PPP2R1A: variants seen among roughly 807,000 people sequenced by gnomAD.
PPP2R1A encodes the protein serine/threonine-protein phosphatase 2A 65 kDa regulatory subunit A alpha isoform.
In PPP2R1A, 15 loss-of-function variants were observed where a neutral mutation model predicts 67.1. That is an observed-to-expected ratio of 0.22 (90% CI 0.15 to 0.34). The LOEUF is 0.34. PPP2R1A is among the 10% of genes least tolerant of loss of function. The probability of loss-of-function intolerance (pLI) is 1.00; values close to 1 mark genes in which losing one functional copy is unlikely to be tolerated. For synonymous variants in PPP2R1A, 337 were observed against 325.0 expected (o/e 1.04, Z -0.40); for missense variants, 369 against 775.0 (o/e 0.48, Z 6.22).
At position 52,219,928 on chromosome 19, in the gene PPP2R1A, T is replaced by G; in HGVS notation, c.1302+64T>G. 1 of 1,529,780 alleles carries G rather than the reference T, an allele frequency of 6.5e-7. No individual in the cohort carries two copies. 94.8% of individuals were successfully genotyped at this position (1,529,780 alleles called of 1,614,324 possible). A position where few individuals can be genotyped will look rare whatever the true frequency, so the allele number is the denominator to read the frequency against. On this transcript the variant is annotated intron_variant, in intron 10 of 14. Coordinates refer to ENST00000322088, the MANE Select transcript of PPP2R1A (RefSeq NM_014225.6). The surrounding 1 kb of genome is among the most constrained non-coding windows in gnomAD (Gnocchi z 4.0). ...AGGGGAGGTGCAGTATGTCCAGGGC[T>G]GTGATGGGGAAACGGGGCTTTGAAG...
intron 12 of PPP2R1A, among the ~76,000 whole-genome samples, chr19:52,221,620 C>T (rs530441915): frequency 7.2e-5 from 11 of 152,152 alleles, no homozygotes; most frequent in African/African-American, 1.4e-4. Context: ...GCCTGGTGAG[C>T]GTGAAGATTA....
At chr19:52,196,572 A>G (rs1039612553) in intron 1 of PPP2R1A, among the ~76,000 whole-genome samples, 4 of 152,194 alleles carry the variant, frequency 2.6e-5, no homozygotes. Context: ...ACTTGCTTGT[A>G]TATCTCTTTG....
At chr19:52,220,387 A>G in intron 11 of PPP2R1A, 138 bp downstream of exon 11, 5 of 919,096 alleles carry the variant, frequency 5.4e-6, no homozygotes, top group Non-Finnish European at 6.9e-6. Context: ...ACCAGCTCGC[A>G]TGCTTGTTAG....
Position 52,192,367 on chromosome 19 carries a change from A to G in PPP2R1A, c.78+2193A>G, listed in dbSNP as rs2089462366. 2.0e-5 allele frequency among the ~76,000 whole-genome samples: 3 copies of G among 150,384 alleles called. No homozygotes were observed. The Admixed American group carries it at 2.0e-4, about 10-fold the overall frequency. On this transcript the variant is annotated intron_variant, in intron 1 of 14. Transcript: ENST00000322088. ...CTGTTTCCCAGGCTGGAGTGCACTGACGCGATCTTTGCTCACTGCAACCTC... is the reference window on the plus strand; with the variant it reads ...CTGTTTCCCAGGCTGGAGTGCACTGGCGCGATCTTTGCTCACTGCAACCTC...
chr19:52,190,278 G>A (rs756012893), intron 1 of PPP2R1A, 104 bp downstream of exon 1: 25 of 1,322,006 alleles, frequency 1.9e-5, no homozygotes, highest in South Asian at 1.3e-4. Flanking sequence ...GGCGGAAGGG[G>A]GCGACGGCCA....
intron 13 of PPP2R1A, among the ~76,000 whole-genome samples, chr19:52,223,487 C>T (rs1979068201): frequency 6.6e-6 from 1 of 152,062 alleles, no homozygotes; most frequent in Non-Finnish European, 1.5e-5. Flanking sequence ...ATATATGTTT[C>T]TGAGAAAGGA....
Position 52,210,484 on chromosome 19 carries a change from CTTT to C in PPP2R1A, c.271-758_271-756del, listed in dbSNP as rs112983236. ...CCAGGCTGTACCTCAGTTTTCTCTTCTTTTTTTTTTTTTTTTTTTTCTTTTTGA... is the reference window on the plus strand; with the variant it reads ...CCAGGCTGTACCTCAGTTTTCTCTTCTTTTTTTTTTTTTTTTTCTTTTTGA... On this transcript the variant is annotated intron_variant, in intron 3 of 14. Transcript: ENST00000322088. 6.9e-3 allele frequency among the ~76,000 whole-genome samples: 870 copies of C among 126,960 alleles called. 7 individuals are homozygous for C. The highest frequency in any genetic ancestry group is 0.024 in the African/African-American group (822 of 33,958). 83.3% of individuals were successfully genotyped at this position (126,960 alleles called of 152,430 possible). A position where few individuals can be genotyped will look rare whatever the true frequency, so the allele number is the denominator to read the frequency against.
chr19:52,216,558 C>T lies in PPP2R1A; in HGVS notation c.1023C>T (p.Val341=), dbSNP rs1399335432. Residue 341 remains valine, a synonymous_variant, in exon 9 of 15, where the codon GTC becomes GTT. Transcript: ENST00000322088. The surrounding 1 kb of genome is among the most constrained non-coding windows in gnomAD (Gnocchi z 4.3). The part of the protein sequence containing the change: ...KELVSDANQH[V]KSALASVIMG... Reference sequence around the variant, plus strand: ...TGGTGTCCGATGCCAACCAACATGTCAAGTCTGCCCTGGCCTCAGTCATCA... The same window carrying T: ...TGGTGTCCGATGCCAACCAACATGTTAAGTCTGCCCTGGCCTCAGTCATCA... 1 of 1,614,150 alleles carries T rather than the reference C, an allele frequency of 6.2e-7. No individual in the cohort carries two copies. Among genetic ancestry groups the T allele is most frequent in the Admixed American group, 1.7e-5 (1 of 60,022 alleles).
chr19:52,190,159 C>G lies in PPP2R1A; in HGVS notation c.63C>G (p.Arg21=). 6.4e-7 allele frequency: 1 copy of G among 1,550,964 alleles called. No individual in the cohort carries two copies. The highest frequency in any genetic ancestry group is 8.7e-7 in the Non-Finnish European group (1 of 1,146,746). ...TCGCGGTGCTCATAGACGAACTCCG[C>G]AATGAGGACGTTCAGGTCCGGAGGC... is the stretch of plus-strand genomic sequence containing the variant. The part of the protein sequence containing the change: ...YPIAVLIDEL[R]NEDVQLRLNS... The change falls in exon 1 of 15, where the codon CGC becomes CGG. Residue 21 remains arginine (R), a synonymous_variant. Transcript: ENST00000322088.
At chr19:52,222,002 GC>G (rs757294686) in intron 12 of PPP2R1A, 96 bp from the exon 13 acceptor site, 28 of 1,293,520 alleles carry the variant, frequency 2.2e-5, no homozygotes, top group Non-Finnish European at 2.3e-5. Flanking sequence ...CCTCTGTGGG[GC>G]CTGATGATCA....
At chr19:52,222,341 C>G in intron 13 of PPP2R1A, 100 bp downstream of exon 13, 1 of 1,459,298 alleles carries the variant, frequency 6.9e-7, no homozygotes, top group Non-Finnish European at 9.1e-7. Context: ...GGCCTGGCAG[C>G]GCTCCTTGCT....
rs2089681840 is a variant in PPP2R1A, at chr19:52,212,692, C to A, written c.510C>A (p.Phe170Leu). 6.2e-7 allele frequency: 1 copy of A among 1,613,354 alleles called. No homozygotes were observed. Among genetic ancestry groups the A allele is most frequent in the Non-Finnish European group, 8.5e-7 (1 of 1,180,040 alleles). ...SAVKAELRQY[F>L]RNLCSDDTPM... ...CCCCGTCCCCGACTCCCAGGTACTT[C>A]CGGAACCTGTGCTCAGATGACACCC... The change falls in exon 5 of 15, where the codon TTC becomes TTA. Residue 170 changes from phenylalanine to leucine, a missense_variant. Phe to Leu is a conservative substitution (Grantham distance 22). Transcript: ENST00000322088. This position sits in a 1 kb window ranked among gnomAD's most constrained non-coding sequence, Gnocchi z 4.1.
chr19:52,193,674 A>G (rs1198770945), intron 1 of PPP2R1A, among the ~76,000 whole-genome samples: 1 of 152,056 alleles, frequency 6.6e-6, no homozygotes, highest in African/African-American at 2.4e-5. Context: ...GGTTCAAGTG[A>G]TTCTCCTGCC....
At chr19:52,191,669 T>C (rs892166262) in intron 1 of PPP2R1A, among the ~76,000 whole-genome samples, 2 of 152,208 alleles carry the variant, frequency 1.3e-5, no homozygotes, top group East Asian at 1.9e-4. Flanking sequence ...GCCTGTTTCC[T>C]CTTCTCTTTA....
At position 52,216,484 on chromosome 19, in the gene PPP2R1A, G is replaced by A. The variant is rs2122350622; in HGVS notation, c.994-45G>A. ...GGCATCTGCTTAGCCACTTGCTGCTGCAGGGGTTGCACTGACCCCTGTGCC... is the reference window on the plus strand; with the variant it reads ...GGCATCTGCTTAGCCACTTGCTGCTACAGGGGTTGCACTGACCCCTGTGCC... On this transcript the variant is annotated intron_variant, in intron 8 of 14. Coordinates refer to ENST00000322088, the MANE Select transcript of PPP2R1A (RefSeq NM_014225.6). The surrounding 1 kb of genome is among the most constrained non-coding windows in gnomAD (Gnocchi z 4.3). 6.2e-7 allele frequency: 1 copy of A among 1,611,922 alleles called. No homozygotes were observed. The highest frequency in any genetic ancestry group is 8.5e-7 in the Non-Finnish European group (1 of 1,178,556).
At position 52,211,690 on chromosome 19, in the gene PPP2R1A, GC is replaced by G. The variant is rs759643128; in HGVS notation, c.503+203del. 1.3e-5 allele frequency: 8 copies of G among 602,186 alleles called. No individual in the cohort carries two copies. The highest frequency in any genetic ancestry group is 2.0e-5 in the Non-Finnish European group (7 of 342,702). The allele number at this position is 602,186 out of a possible 1,614,324, so 37.3% of individuals were successfully genotyped here. A position where few individuals can be genotyped will look rare whatever the true frequency, so the allele number is the denominator to read the frequency against. ...GCCACGTGTCAGTTTACCCACCTCT[GC>G]CCCCTTGCTCACTTAGGAATTGAGA... On this transcript the variant is annotated intron_variant, in intron 4 of 14. Coordinates refer to ENST00000322088, the MANE Select transcript of PPP2R1A (RefSeq NM_014225.6). The surrounding 1 kb of genome is among the most constrained non-coding windows in gnomAD (Gnocchi z 5.3).
rs2122349977 is a variant in PPP2R1A, at chr19:52,216,244, AC to A, written c.993+172del. Among the ~76,000 whole-genome samples, 1 of 152,194 alleles carries A rather than the reference AC, an allele frequency of 6.6e-6. No homozygotes were observed. Among genetic ancestry groups the A allele is most frequent in the East Asian group, 1.9e-4 (1 of 5,164 alleles). On this transcript the variant is annotated intron_variant, in intron 8 of 14. Transcript: ENST00000322088. This position sits in a 1 kb window ranked among gnomAD's most constrained non-coding sequence, Gnocchi z 4.3. The stretch of plus-strand genomic sequence containing the variant: ...GGGTCCTGACTGCAGCTTGAGGCTG[AC>A]CTTAAAGGTGGAAGTACTTTCTAGA...
intron 12 of PPP2R1A, 109 bp downstream of exon 12, chr19:52,221,242 C>G: frequency 6.9e-7 from 1 of 1,440,338 alleles, no homozygotes; most frequent in Non-Finnish European, 9.5e-7. Context: ...GGAATGGAGA[C>G]ATGGAGTGCA....
chr19:52,215,897 G>A lies in PPP2R1A; in HGVS notation c.922+4G>A. 6.2e-7 allele frequency: 1 copy of A among 1,614,006 alleles called. No homozygotes were observed. Among genetic ancestry groups the A allele is most frequent in the Non-Finnish European group, 8.5e-7 (1 of 1,179,864 alleles). On this transcript the variant is annotated splice_donor_region_variant and intron_variant, in intron 7 of 14. Transcript: ENST00000322088. ...GCAGCCTCCCACAAGGTCAAAGGTT[G>A]GTGCTGGCAGCCGGAACACAGCAAG...
Sources: allele counts gnomAD v4.1 joint callset (sites outside exome capture counted in the v4.1 genomes callset), GRCh38; gene constraint gnomAD v4.1.1; non-coding constraint Gnocchi (gnomAD v3.1); transcripts MANE v1.5; gene names NCBI Gene and HGNC (gene_info 2026-07-23, HGNC 2026-07-21).